Variants in UVRAG observed in about 807,000 individuals in gnomAD.
The protein encoded by UVRAG is UV radiation resistance-associated gene protein.
UVRAG carries 19 observed loss-of-function variants against 78.0 expected under a neutral mutation model. That is an observed-to-expected ratio of 0.24 (90% CI 0.17 to 0.36). The LOEUF is 0.36. UVRAG is among the 10% of genes least tolerant of loss of function. The pLI is 1.00. For synonymous variants in UVRAG, 323 were observed against 324.6 expected, an observed-to-expected ratio of 1.00 and a Z score of 0.05; for missense variants, 740 against 853.8, an observed-to-expected ratio of 0.87 and a Z score of 1.66.
At chr11:75,959,496 G>A (rs2135195924) in intron 6 of UVRAG, among the ~76,000 whole-genome samples, 1 of 152,192 alleles carries the variant, frequency 6.6e-6, no homozygotes, top group East Asian at 1.9e-4. Flanking sequence ...ACCTCTCTCA[G>A]CCTTCAAAGA....
chr11:76,090,666 T>C (rs922413562), intron 13 of UVRAG, among the ~76,000 whole-genome samples: 1 of 152,232 alleles, frequency 6.6e-6, no homozygotes, highest in South Asian at 2.1e-4. Context: ...TTACTTTTTT[T>C]CCCCTAATGT....
At chr11:75,843,113 T>C (rs1945952187) in intron 1 of UVRAG, among the ~76,000 whole-genome samples, 1 of 152,192 alleles carries the variant, frequency 6.6e-6, no homozygotes, top group African/African-American at 2.4e-5. Context: ...GTCATTAATA[T>C]ACCTCAGAAG....
chr11:76,024,432 G>A (rs910935921), intron 12 of UVRAG, among the ~76,000 whole-genome samples: 1 of 152,074 alleles, frequency 6.6e-6, no homozygotes, highest in Non-Finnish European at 1.5e-5. Context: ...TTTGGTGAAT[G>A]AATTTTATAT....
intron 12 of UVRAG, among the ~76,000 whole-genome samples, chr11:76,042,109 G>A (rs1225328324): frequency 6.6e-6 from 1 of 152,104 alleles, no homozygotes; most frequent in Non-Finnish European, 1.5e-5. Context: ...AAGATGTTTA[G>A]TACATCATTA....
intron 12 of UVRAG, among the ~76,000 whole-genome samples, chr11:76,057,877 C>G (rs1258982771): frequency 6.6e-6 from 1 of 152,150 alleles, no homozygotes; most frequent in Non-Finnish European, 1.5e-5. Flanking sequence ...TTGCATGCTG[C>G]TGGCATTTTA....
In UVRAG at chr11:75,815,301, C is replaced by T. The variant is rs111669325; in HGVS notation, c.-107C>T. On this transcript the variant is annotated 5_prime_UTR_variant, in exon 1 of 15. Coordinates refer to ENST00000356136, the MANE Select transcript of UVRAG (RefSeq NM_003369.4). ...GTCTGGGCTGAGCAGTAGTGCCTCTCGGGTGGCGGGTTTCTAGGCTGCAGG... is the reference window on the plus strand; with the variant it reads ...GTCTGGGCTGAGCAGTAGTGCCTCTTGGGTGGCGGGTTTCTAGGCTGCAGG... 0.014 allele frequency: 7,810 copies of T among 560,902 alleles called. 431 individuals carry two copies. Among genetic ancestry groups the T allele is most frequent in the African/African-American group, 0.13 (6,465 of 51,340 alleles). 34.7% of individuals were successfully genotyped at this position (560,902 alleles called of 1,614,324 possible). A position where few individuals can be genotyped will look rare whatever the true frequency, so the allele number is the denominator to read the frequency against.
At chr11:76,090,390 A>T (rs373569269) in intron 13 of UVRAG, among the ~76,000 whole-genome samples, 19 of 152,114 alleles carry the variant, frequency 1.2e-4, no homozygotes, top group African/African-American at 4.3e-4. Flanking sequence ...AACCTGTTGA[A>T]TGTATATACT....
At chr11:76,126,962 C>G (rs1952411093) in intron 14 of UVRAG, among the ~76,000 whole-genome samples, 2 of 152,228 alleles carry the variant, frequency 1.3e-5, no homozygotes, top group Non-Finnish European at 2.9e-5. Context: ...TTAGCTTCCA[C>G]TTATCCTTCA....
At chr11:76,053,308 A>AACACACACACACACACACAC (rs377457433) in intron 12 of UVRAG, among the ~76,000 whole-genome samples, 1 of 140,698 alleles carries the variant, frequency 7.1e-6, no homozygotes, top group African/African-American at 2.7e-5. Context: ...TCTGTCTCAA[A>AACACACACACACACACACAC]ACACACACAC....
chr11:75,868,926 T>A, intron 3 of UVRAG, among the ~76,000 whole-genome samples: 1 of 152,356 alleles, frequency 6.6e-6, no homozygotes, highest in African/African-American at 2.4e-5. Flanking sequence ...TTGAAATGTC[T>A]CTGTACCTGG....
chr11:76,104,967 A>G (rs1455895017), intron 13 of UVRAG, among the ~76,000 whole-genome samples: 1 of 152,222 alleles, frequency 6.6e-6, no homozygotes, highest in East Asian at 1.9e-4. Flanking sequence ...CCCTGTAGCT[A>G]CACATTGCTT....
intron 13 of UVRAG, among the ~76,000 whole-genome samples, chr11:76,104,608 T>C (rs1951938175): frequency 6.6e-6 from 1 of 152,230 alleles, no homozygotes. Flanking sequence ...AACATATATT[T>C]AGATTATTTC....
chr11:75,947,179 G>A (rs917006789), intron 6 of UVRAG, among the ~76,000 whole-genome samples: 11 of 152,124 alleles, frequency 7.2e-5, no homozygotes, highest in Non-Finnish European at 1.5e-4. Context: ...ACATGAATTT[G>A]GGGCGGGGGA....
intron 13 of UVRAG, among the ~76,000 whole-genome samples, chr11:76,089,487 G>T (rs1260174113): frequency 6.6e-6 from 1 of 152,144 alleles, no homozygotes; most frequent in Admixed American, 6.5e-5. Context: ...ATGATTACCA[G>T]CTCACAAAGA....
intron 14 of UVRAG, among the ~76,000 whole-genome samples, chr11:76,123,758 GTTGTTTTGTT>G (rs141660604): frequency 6.6e-6 from 1 of 151,668 alleles, no homozygotes; most frequent in African/African-American, 2.4e-5. Flanking sequence ...TTGAGTATCA[GTTGTTTTGTT>G]TTGTTTTGTT....
rs370952428 is a variant in UVRAG, at chr11:75,896,217, A to G, written c.507+7314A>G. Among the ~76,000 whole-genome samples, 29 of 152,276 alleles carry G rather than the reference A, an allele frequency of 1.9e-4. No homozygotes were observed. The East Asian group carries it at 4.4e-3, about 23-fold the overall frequency. The stretch of plus-strand genomic sequence containing the variant: ...TTGAAGTTGGTGTGGAGGTTGGTGA[A>G]TAAGGCTGGGTGACCTTTAGAGATT... On this transcript the variant is annotated intron_variant, in intron 5 of 14. Coordinates refer to ENST00000356136, the MANE Select transcript of UVRAG (RefSeq NM_003369.4).
intron 1 of UVRAG, among the ~76,000 whole-genome samples, chr11:75,836,199 A>G (rs538353967): frequency 8.5e-5 from 13 of 152,274 alleles, no homozygotes; most frequent in African/African-American, 3.1e-4. Flanking sequence ...ACTCTGCATC[A>G]CTTGTAGTGA....
intron 1 of UVRAG, among the ~76,000 whole-genome samples, chr11:75,831,503 C>CAA (rs376448104): frequency 7.7e-6 from 1 of 130,536 alleles, no homozygotes; most frequent in Non-Finnish European, 1.7e-5. Flanking sequence ...AACAAACAAA[C>CAA]AAAAAAAAAA....
chr11:75,874,278 A>G (rs1158341245), intron 3 of UVRAG, among the ~76,000 whole-genome samples: 1 of 150,410 alleles, frequency 6.6e-6, no homozygotes, highest in Non-Finnish European at 1.5e-5. Flanking sequence ...AGAAAAAAAA[A>G]ACAACAACAC....
Sources: gnomAD v4.1 joint callset for allele counts (sites outside exome capture counted in the v4.1 genomes callset) on GRCh38, gnomAD v4.1.1 for gene constraint, MANE v1.5 for transcripts, NCBI Gene and HGNC (gene_info 2026-07-23, HGNC 2026-07-21) for gene names.